The following MINDY2 variants were observed in gnomAD, a reference collection of about 807,000 sequenced individuals.
MINDY2 encodes the protein ubiquitin carboxyl-terminal hydrolase MINDY-2.
A neutral mutation model predicts 68.2 loss-of-function variants in MINDY2; 52 were observed. The observed-to-expected ratio is 0.76, with a 90% CI of 0.61 to 0.96. The LOEUF (loss-of-function observed/expected upper bound fraction) is 0.96, where lower values mean the gene tolerates loss of function less well. Ranked by LOEUF, MINDY2 falls within the 40% of genes least tolerant of loss-of-function variation. The probability of loss-of-function intolerance (pLI) is 0.00; values close to 1 mark genes in which losing one functional copy is unlikely to be tolerated. For synonymous variants in MINDY2, 372 were observed against 303.0 expected, an observed-to-expected ratio of 1.23 and a Z score of -2.36; for missense variants, 881 against 773.4, an observed-to-expected ratio of 1.14 and a Z score of -1.65.
intron 6 of MINDY2, among the ~76,000 whole-genome samples, chr15:58,833,471 A>C (rs781084653): frequency 3.9e-5 from 6 of 152,228 alleles, no homozygotes; most frequent in Non-Finnish European, 4.4e-5. Flanking sequence ...ACCAGCGTTC[A>C]GCATGCGGAG....
intron 8 of MINDY2, among the ~76,000 whole-genome samples, chr15:58,852,938 T>TG: frequency 3.3e-5 from 1 of 29,976 alleles, no homozygotes; most frequent in African/African-American, 1.1e-4. Context: ...TTTTTTTTTT[T>TG]TTTTTTTTTT....
At chr15:58,783,157 G>C (rs1226468349) in intron 1 of MINDY2, among the ~76,000 whole-genome samples, 1 of 151,800 alleles carries the variant, frequency 6.6e-6, no homozygotes, top group Non-Finnish European at 1.5e-5. Context: ...CTAACCTCAG[G>C]TGATCCGCCC....
At chr15:58,795,990 G>T in intron 2 of MINDY2, 1 of 425,068 alleles carries the variant, frequency 2.4e-6, no homozygotes, top group Middle Eastern at 3.4e-4. Context: ...GAATACTGGA[G>T]AATACTCTCT....
rs1370524300 is a variant in MINDY2, at chr15:58,856,671, A to C, written c.*2061A>C. 4 of 152,220 alleles carry C rather than the reference A, an allele frequency of 2.6e-5. No individual in the cohort carries two copies. Among genetic ancestry groups the C allele is most frequent in the Non-Finnish European group, 4.4e-5 (3 of 68,042 alleles). The allele number at this position is 152,220 out of a possible 1,614,324, so 9.4% of individuals were successfully genotyped here. ...GCTCAAACAGGTTGACCTCAATCCA[A>C]GTTTACTCTTGATATCACTCTGTTG... On this transcript the variant is annotated 3_prime_UTR_variant, in exon 9 of 9. Coordinates refer to ENST00000559228, the MANE Select transcript of MINDY2 (RefSeq NM_001040450.3).
chr15:58,847,504 A>C (rs757277240), intron 7 of MINDY2, 34 bp downstream of exon 7: 1 of 1,465,764 alleles, frequency 6.8e-7, no homozygotes, highest in Admixed American at 2.1e-5. Context: ...TAGTGGTTAA[A>C]ATGCTGATTT....
chr15:58,853,512 T>C (rs186582708), intron 8 of MINDY2, among the ~76,000 whole-genome samples: 10 of 152,202 alleles, frequency 6.6e-5, no homozygotes, highest in Admixed American at 6.5e-4. Flanking sequence ...TCAGGGGTTC[T>C]TTTCTCCTTT....
In MINDY2 at chr15:58,854,654, C is replaced by T. The variant is rs902751645; in HGVS notation, c.*44C>T. On this transcript the variant is annotated 3_prime_UTR_variant, in exon 9 of 9. Transcript: ENST00000559228. ...GGAACCACCTATATGTCTTGAGAAA[C>T]AAAACCACAGGAGGAAAGGAAGAAA... 3 of 1,565,402 alleles carry T rather than the reference C, an allele frequency of 1.9e-6. No individual in the cohort carries two copies. Among genetic ancestry groups the T allele is most frequent in the African/African-American group, 2.7e-5 (2 of 73,148 alleles).
In MINDY2 at chr15:58,772,048, G is replaced by T; in HGVS notation, c.653G>T (p.Cys218Phe). The T allele has an allele frequency of 6.2e-7, 1 of 1,609,284 alleles. No individual in the cohort carries two copies. Among genetic ancestry groups the T allele is most frequent in the Non-Finnish European group, 8.5e-7 (1 of 1,177,448 alleles). ...GTGTTGCCCGGGGCTGTTCCTCTGT[G>T]CAAGGAGGAGGAGGGGGAGGAGACC... Reference protein sequence around the residue: ...AAVLPGAVPLCKEEEGEETAQ... With the variant: ...AAVLPGAVPLFKEEEGEETAQ... Residue 218 changes from cysteine (C) to phenylalanine (F), a missense_variant, in exon 1 of 9, where the codon TGC becomes TTC. Physicochemically the swap from Cys to Phe is radical, Grantham distance 205. Coordinates refer to ENST00000559228, the MANE Select transcript of MINDY2 (RefSeq NM_001040450.3).
intron 1 of MINDY2, among the ~76,000 whole-genome samples, chr15:58,775,344 T>C (rs2140888606): frequency 6.6e-6 from 1 of 152,278 alleles, no homozygotes; most frequent in East Asian, 1.9e-4. Flanking sequence ...AGAAATGCTT[T>C]AGTAGAGAAA....
In MINDY2 at chr15:58,822,231, G is replaced by A. The variant is rs1363490396; in HGVS notation, c.1225+412G>A. ...ATTGCGCCGCTGTACTCCACCCTGGGCAACAGAGTGACTCTGTATCAAAAA... is the reference window on the plus strand; with the variant it reads ...ATTGCGCCGCTGTACTCCACCCTGGACAACAGAGTGACTCTGTATCAAAAA... On this transcript the variant is annotated intron_variant, in intron 5 of 8. Coordinates refer to ENST00000559228, the MANE Select transcript of MINDY2 (RefSeq NM_001040450.3). 2.0e-5 allele frequency among the ~76,000 whole-genome samples: 3 copies of A among 151,380 alleles called. No homozygotes were observed. The East Asian group carries it at 5.8e-4, about 29-fold the overall frequency.
intron 5 of MINDY2, among the ~76,000 whole-genome samples, chr15:58,830,192 T>G (rs1422303327): frequency 6.6e-6 from 1 of 152,196 alleles, no homozygotes; most frequent in Non-Finnish European, 1.5e-5. Context: ...AATTAGTGAA[T>G]GCTGAACCAC....
At chr15:58,799,099 G>T (rs905202866) in intron 2 of MINDY2, among the ~76,000 whole-genome samples, 3 of 152,158 alleles carry the variant, frequency 2.0e-5, no homozygotes, top group Admixed American at 1.3e-4. Context: ...GGGAGGTGGG[G>T]GAGAAGTGAA....
At chr15:58,803,780 C>T (rs1902830479) in intron 3 of MINDY2, among the ~76,000 whole-genome samples, 1 of 151,810 alleles carries the variant, frequency 6.6e-6, no homozygotes, top group African/African-American at 2.4e-5. Flanking sequence ...TGCGTCACTA[C>T]ACTCCGTCCT....
chr15:58,816,087 A>G (rs2030667625), intron 4 of MINDY2, among the ~76,000 whole-genome samples: 1 of 152,238 alleles, frequency 6.6e-6, no homozygotes, highest in Non-Finnish European at 1.5e-5. Context: ...CACATAAGTA[A>G]ATATTGACTG....
intron 4 of MINDY2, among the ~76,000 whole-genome samples, chr15:58,813,991 G>A (rs879847202): frequency 6.8e-6 from 1 of 147,126 alleles, no homozygotes; most frequent in Non-Finnish European, 1.5e-5. Flanking sequence ...AGGCTGGAGT[G>A]CAGTGGCACA....
chr15:58,782,676 T>A (rs1397088836), intron 1 of MINDY2, among the ~76,000 whole-genome samples: 1 of 152,150 alleles, frequency 6.6e-6, no homozygotes, highest in Non-Finnish European at 1.5e-5. Flanking sequence ...TAAAAAAGTC[T>A]GTGAGTATTG....
At chr15:58,789,467 T>G (rs1469126377) in intron 2 of MINDY2, among the ~76,000 whole-genome samples, 1 of 152,114 alleles carries the variant, frequency 6.6e-6, no homozygotes, top group East Asian at 1.9e-4. Context: ...TTTTTTTTTT[T>G]TTCTTTTGAG....
intron 1 of MINDY2, among the ~76,000 whole-genome samples, chr15:58,780,636 T>C (rs547517156): frequency 2.0e-5 from 3 of 152,280 alleles, no homozygotes; most frequent in South Asian, 4.1e-4. Context: ...GATCGATTCC[T>C]GGGATCTTGG....
In MINDY2 at chr15:58,861,425, ATC is replaced by A. The variant is rs1274446341; in HGVS notation, c.*6817_*6818del. The A allele has an allele frequency of 6.6e-6, 1 of 152,066 alleles. No individual in the cohort carries two copies. The highest frequency in any genetic ancestry group is 6.5e-5 in the Admixed American group (1 of 15,272). The allele number at this position is 152,066 out of a possible 1,614,324, so 9.4% of individuals were successfully genotyped here. On this transcript the variant is annotated 3_prime_UTR_variant, in exon 9 of 9. Transcript: ENST00000559228. ...ACCCATTTTACTTCTGAAATAATTC[ATC>A]TGTTTTGCTTTATGACCAGCTTTAA... is the stretch of plus-strand genomic sequence containing the variant.
Sources: allele counts gnomAD v4.1 joint callset (sites outside exome capture counted in the v4.1 genomes callset), GRCh38; gene constraint gnomAD v4.1.1; transcripts MANE v1.5; gene names NCBI Gene and HGNC (gene_info 2026-07-23, HGNC 2026-07-21).